Variants in ALAS2 observed in about 807,000 individuals in gnomAD.
The protein encoded by ALAS2 is 5-aminolevulinate synthase, erythroid-specific, mitochondrial.
In ALAS2, 3 loss-of-function variants were observed where a neutral mutation model predicts 33.7. The observed-to-expected ratio is 0.09, with a 90% confidence interval of 0.04 to 0.23. The LOEUF (loss-of-function observed/expected upper bound fraction) is 0.23. Ranked by LOEUF, ALAS2 falls within the 10% of genes least tolerant of loss-of-function variation. The pLI is 1.00. For missense variants in ALAS2, 304 were observed against 475.1 expected (o/e 0.64, Z 3.35); for synonymous variants, 191 against 177.3 (o/e 1.08, Z -0.61).
chrX:55,009,496 G>A (rs1389471481), intron 10 of ALAS2, among the ~76,000 whole-genome samples, 153 bp from the exon 11 acceptor site: 2 of 111,673 alleles, frequency 1.8e-5, no homozygotes, highest in African/African-American at 6.5e-5. Context: ...TGTGTGTGCC[G>A]TGAATATTAC....
rs1935724650 is a variant in ALAS2, at chrX:55,017,582, T to C, written c.907A>G (p.Arg303Gly). ...TTTAGGTGGTCAGGGTCATTGTGCC[T>C]GAAGACAAACTTGGCTGCTCCACTG... The part of the protein sequence containing the change: ...RNSGAAKFVF[R>G]HNDPDHLKKL... Residue 303 changes from arginine to glycine, a missense_variant, in exon 7 of 11, where the codon AGG becomes GGG. Arg to Gly is a moderately radical substitution (Grantham distance 125). Around this residue, in one of 3 missense-constraint regions of ALAS2, gnomAD observed 138 missense variants for 265.3 expected, o/e 0.52. Coordinates refer to ENST00000650242, the MANE Select transcript of ALAS2 (RefSeq NM_000032.5). 7 of 1,211,545 alleles carry C rather than the reference T, an allele frequency of 5.8e-6. No homozygotes were observed. Among genetic ancestry groups the C allele is most frequent in the Non-Finnish European group, 7.8e-6 (7 of 895,243 alleles).
chrX:55,025,980 C>T lies in ALAS2; in HGVS notation c.21G>A (p.Leu7=), dbSNP rs764705667. Residue 7 remains leucine, a synonymous_variant, in exon 2 of 11, where the codon CTG becomes CTA. Transcript: ENST00000650242. The part of the protein sequence containing the change: MVTAAM[L]LQCCPVLARG... ...GGGCAAGCACTGGGCAGCACTGTAG[C>T]AGCATGGCTGCAGTCACCATCTTGA... is the stretch of plus-strand genomic sequence containing the variant. The T allele has an allele frequency of 7.4e-6, 9 of 1,211,195 alleles. No homozygotes were observed.
intron 10 of ALAS2, among the ~76,000 whole-genome samples, chrX:55,012,275 A>G (rs776415280): frequency 8.9e-6 from 1 of 111,841 alleles, no homozygotes; most frequent in South Asian, 3.8e-4. Flanking sequence ...TTCAACATGC[A>G]TCATAAAAAC....
chrX:55,016,542 G>T (rs2146718578), intron 7 of ALAS2, among the ~76,000 whole-genome samples: 1 of 111,730 alleles, frequency 9.0e-6, no homozygotes, highest in East Asian at 2.8e-4. Context: ...GAGCCTGTGT[G>T]TATAGTCATT....
rs1475820545 is a variant in ALAS2, at chrX:55,026,018, G to A, written c.-15-3C>T. The A allele has an allele frequency of 2.5e-6, 3 of 1,206,520 alleles. No homozygotes were observed. Among genetic ancestry groups the A allele is most frequent in the Non-Finnish European group, 2.2e-6 (2 of 892,709 alleles). On this transcript the variant is annotated splice_region_variant and splice_polypyrimidine_tract_variant and intron_variant, in intron 1 of 10. Transcript: ENST00000650242. Reference sequence around the variant, plus strand: ...GTCACCATCTTGAACCTAAAGTCCTGCAGAAGACATGGAAGAGATGAGGTT... The same window carrying A: ...GTCACCATCTTGAACCTAAAGTCCTACAGAAGACATGGAAGAGATGAGGTT...
At chrX:55,009,576 C>A (rs1052130424) in intron 10 of ALAS2, among the ~76,000 whole-genome samples, 13 of 111,539 alleles carry the variant, frequency 1.2e-4, no homozygotes, top group Non-Finnish European at 7.5e-5. Context: ...CAATTTGAAG[C>A]CATACTGTCC....
chrX:55,017,447 G>A, intron 7 of ALAS2, 39 bp downstream of exon 7: 1 of 1,124,587 alleles, frequency 8.9e-7, no homozygotes, highest in Non-Finnish European at 1.2e-6. Context: ...GTTTTTGTGA[G>A]ACCAACACTA....
chrX:55,024,752 T>C lies in ALAS2; in HGVS notation c.270A>G (p.Pro90=), dbSNP rs776209157. The change falls in exon 3 of 11, where the codon CCA becomes CCG. Residue 90 remains proline (P), a synonymous_variant. Transcript: ENST00000650242. Reference sequence around the variant, plus strand: ...AAGCCTTCACATCTTCCTGGACTTCTGGGGCTGCCTTCTGCACAATCTTGC... The same window carrying C: ...AAGCCTTCACATCTTCCTGGACTTCCGGGGCTGCCTTCTGCACAATCTTGC... ...GKSKIVQKAA[P]EVQEDVKAFK... 4 of 1,212,036 alleles carry C rather than the reference T, an allele frequency of 3.3e-6. No individual in the cohort carries two copies. Among genetic ancestry groups the C allele is most frequent in the Non-Finnish European group, 4.5e-6 (4 of 895,510 alleles).
chrX:55,013,907 G>A (rs1935650996), intron 9 of ALAS2, among the ~76,000 whole-genome samples: 1 of 111,189 alleles, frequency 9.0e-6, no homozygotes, highest in African/African-American at 3.3e-5. Context: ...CAAGCACACT[G>A]ATTTTACTTA....
chrX:55,022,771 G>A (rs745784267), intron 4 of ALAS2, among the ~76,000 whole-genome samples: 1 of 111,393 alleles, frequency 9.0e-6, no homozygotes, highest in Non-Finnish European at 1.9e-5. Flanking sequence ...ACCAAATAGA[G>A]GAGTAGCCAA....
In ALAS2 at chrX:55,009,255, G is replaced by A. The variant is rs1359075679; in HGVS notation, c.1689C>T (p.His563=). 3.3e-6 allele frequency: 4 copies of A among 1,207,291 alleles called. No individual in the cohort carries two copies. The South Asian group carries it at 7.2e-5, about 22-fold the overall frequency. Reference sequence around the variant, plus strand: ...GTTCCCACTCACTCATGAGCTCAAAGTGTACAGGACGGCGACAGAAATTGC... The same window carrying A: ...GTTCCCACTCACTCATGAGCTCAAAATGTACAGGACGGCGACAGAAATTGC... ...AACNFCRRPV[H]FELMSEWERS... is the part of the protein sequence containing the mutation. The change falls in exon 11 of 11, where the codon CAC becomes CAT. Residue 563 remains histidine (H), a synonymous_variant. Coordinates refer to ENST00000650242, the MANE Select transcript of ALAS2 (RefSeq NM_000032.5).
At chrX:55,012,118 G>A (rs1277282066) in intron 10 of ALAS2, among the ~76,000 whole-genome samples, 1 of 111,856 alleles carries the variant, frequency 8.9e-6, no homozygotes, top group African/African-American at 3.3e-5. Flanking sequence ...CGCCTACCTA[G>A]CTTGTCTTCC....
intron 1 of ALAS2, chrX:55,027,824 C>T: frequency 8.3e-7 from 1 of 1,208,629 alleles, no homozygotes; most frequent in Non-Finnish European, 1.1e-6. Flanking sequence ...TCACAGCAGC[C>T]TGGGTTGGTA....
intron 1 of ALAS2, among the ~76,000 whole-genome samples, chrX:55,027,059 G>A (rs1323373515): frequency 9.1e-6 from 1 of 109,941 alleles, no homozygotes; most frequent in Non-Finnish European, 1.9e-5. Context: ...ATTGAGTCGA[G>A]AGAAAGAGAA....
At chrX:55,025,781 C>T (rs373208233) in intron 2 of ALAS2, 39 bp downstream of exon 2, 2 of 1,184,228 alleles carry the variant, frequency 1.7e-6, no homozygotes, top group Non-Finnish European at 2.3e-6. Context: ...TACCCCAGGA[C>T]CCTAACATTC....
chrX:55,022,366 C>A (rs763159843), intron 4 of ALAS2, among the ~76,000 whole-genome samples: 1 of 111,592 alleles, frequency 9.0e-6, no homozygotes, highest in African/African-American at 3.3e-5. Context: ...ATTATATAAT[C>A]TCTGAAAAAT....
At chrX:55,026,156 T>TTCCCAATG in intron 1 of ALAS2, 141 bp from the exon 2 acceptor site, 1 of 526,859 alleles carries the variant, frequency 1.9e-6, no homozygotes, top group South Asian at 2.9e-5. Flanking sequence ...AAGAACTTCT[T>TTCCCAATG]TCCCAATGTT....
At chrX:55,025,788 A>G in intron 2 of ALAS2, 32 bp downstream of exon 2, 1 of 1,197,982 alleles carries the variant, frequency 8.3e-7, no homozygotes, top group Non-Finnish European at 1.1e-6. Flanking sequence ...GGACCCTAAC[A>G]TTCTCCCCTT....
chrX:55,010,728 T>C (rs1197908597), intron 10 of ALAS2, among the ~76,000 whole-genome samples: 1 of 111,579 alleles, frequency 9.0e-6, no homozygotes, highest in African/African-American at 3.3e-5. Context: ...CTTATCCCAT[T>C]CTCCTTATCC....
Sources: allele counts gnomAD v4.1 joint callset (sites outside exome capture counted in the v4.1 genomes callset), GRCh38; gene constraint gnomAD v4.1.1; regional missense constraint gnomAD v4.1.1; transcripts MANE v1.5; gene names NCBI Gene and HGNC (gene_info 2026-07-23, HGNC 2026-07-21).